Variants in NOD2 observed in about 807,000 individuals in gnomAD.
NOD2 encodes nucleotide-binding oligomerization domain-containing protein 2.
NOD2 carries 86 observed loss-of-function variants against 90.9 expected under a neutral mutation model. That is an observed-to-expected ratio of 0.95 (90% CI 0.79 to 1.13). The LOEUF is 1.13. Among genes scored for constraint, NOD2 ranks in the 50% most tolerant of loss-of-function variants. The pLI, the probability that NOD2 is intolerant of heterozygous loss-of-function variation, is 0.00. For missense variants in NOD2, 1,238 were observed against 1,283.8 expected, an observed-to-expected ratio of 0.96 and a Z score of 0.55; for synonymous variants, 581 against 554.6, an observed-to-expected ratio of 1.05 and a Z score of -0.67.
chr16:50,703,709 G>A (rs1367278631), intron 2 of NOD2, among the ~76,000 whole-genome samples: 2 of 151,552 alleles, frequency 1.3e-5, no homozygotes, highest in African/African-American at 4.8e-5. Context: ...AAAAAGAAAG[G>A]TTACTATTGC....
rs775728252 is a variant in NOD2 at position 50,711,314 on chromosome 16, G to T, written c.1322G>T (p.Arg441Leu). 5.0e-6 allele frequency: 8 copies of T among 1,613,586 alleles called. No homozygotes were observed. The highest frequency in any genetic ancestry group is 6.8e-6 in the Non-Finnish European group (8 of 1,180,032). ...KRHHEPGVAD[R>L]LIRLLQETSA... is the part of the protein sequence containing the mutation. Reference sequence around the variant, plus strand: ...CATCATGAGCCCGGGGTGGCGGACCGCCTCATCCGCCTGCTCCAAGAGACC... The same window carrying T: ...CATCATGAGCCCGGGGTGGCGGACCTCCTCATCCGCCTGCTCCAAGAGACC... The change falls in exon 4 of 12, where the codon CGC (arginine) becomes CTC (leucine). Residue 441 changes from arginine (R) to leucine (L), a missense_variant. By Grantham distance (102) the Arg-to-Leu change is moderately radical. This residue lies in a region of NOD2 where 567 missense variants were observed against 577.3 expected (regional missense o/e 0.98). Coordinates refer to ENST00000647318, the MANE Select transcript of NOD2 (RefSeq NM_001370466.1).
At chr16:50,717,052 G>A in intron 6 of NOD2, 78 bp downstream of exon 6, 1 of 1,259,274 alleles carries the variant, frequency 7.9e-7, no homozygotes. Context: ...GTCTTGGCCT[G>A]GCACTGCCCA....
chr16:50,697,314 C>A, intron 1 of NOD2: 3 of 1,556,300 alleles, frequency 1.9e-6, no homozygotes, highest in Non-Finnish European at 2.6e-6. Context: ...GGACATTCTC[C>A]GGGTAAGAGG....
rs1303352446 is a variant in NOD2, at chr16:50,716,991, C to T, written c.2549+17C>T. 1 of 1,613,284 alleles carries T rather than the reference C, an allele frequency of 6.2e-7. No individual in the cohort carries two copies. Among genetic ancestry groups the T allele is most frequent in the Non-Finnish European group, 8.5e-7 (1 of 1,179,146 alleles). Reference sequence around the variant, plus strand: ...GGCATTGAGGTGAGCCCAGGTTTTCCTTATTCCCTGGAAACTATTTTTTGC... The same window carrying T: ...GGCATTGAGGTGAGCCCAGGTTTTCTTTATTCCCTGGAAACTATTTTTTGC... On this transcript the variant is annotated intron_variant, in intron 6 of 11. Transcript: ENST00000647318.
intron 10 of NOD2, chr16:50,727,520 CTTCGGG>C (rs1052816441): frequency 1.1e-4 from 28 of 244,678 alleles, no homozygotes; most frequent in Non-Finnish European, 1.6e-4. Flanking sequence ...AAAATTCATG[CTTCGGG>C]ATTCAACAAA....
At chr16:50,723,487 G>A in intron 9 of NOD2, 103 bp downstream of exon 9, 1 of 941,060 alleles carries the variant, frequency 1.1e-6, no homozygotes, top group Non-Finnish European at 1.7e-6. Flanking sequence ...AAAGGTGGAT[G>A]ATTGAGTGAT....
Position 50,711,513 on chromosome 16 carries a change from T to C in NOD2, c.1521T>C (p.Gly507=), listed in dbSNP as rs1033444496. ...HATPPDSASQ[G]LGPSLLRGRL... is the part of the protein sequence containing the mutation. ...CCCCCCCAGACTCAGCTTCCCAAGG[T>C]CTGGGACCCAGTCTTCTTCGGGGCC... The change falls in exon 4 of 12, where the codon GGT becomes GGC. Residue 507 remains glycine, a synonymous_variant. Coordinates refer to ENST00000647318, the MANE Select transcript of NOD2 (RefSeq NM_001370466.1). 1.2e-6 allele frequency: 2 copies of C among 1,613,282 alleles called. No homozygotes were observed. The highest frequency in any genetic ancestry group is 3.3e-5 in the Admixed American group (2 of 60,016).
Position 50,711,152 on chromosome 16 carries a change from A to C in NOD2, c.1160A>C (p.Asn387Thr), listed in dbSNP as rs104895429. The change falls in exon 4 of 12, where the codon AAC becomes ACC. Residue 387 changes from asparagine to threonine, a missense_variant. By Grantham distance (65) the Asn-to-Thr change is moderately conservative (BLOSUM62 0). Coordinates refer to ENST00000647318, the MANE Select transcript of NOD2 (RefSeq NM_001370466.1). Reference sequence around the variant, plus strand: ...CTGCTCTTCAACCTTCTGCAGGGCAACCTGCTGAAGAATGCCCGCAAGGTG... The same window carrying C: ...CTGCTCTTCAACCTTCTGCAGGGCACCCTGCTGAAGAATGCCCGCAAGGTG... ...QTLLFNLLQGNLLKNARKVVT... is the reference protein window; with the variant it reads ...QTLLFNLLQGTLLKNARKVVT... The C allele has an allele frequency of 1.2e-6, 2 of 1,614,004 alleles. No homozygotes were observed. Among genetic ancestry groups the C allele is most frequent in the Non-Finnish European group, 1.7e-6 (2 of 1,180,034 alleles).
intron 1 of NOD2, chr16:50,697,175 G>A: frequency 7.6e-7 from 1 of 1,315,058 alleles, no homozygotes. Flanking sequence ...TGTGCCACTG[G>A]GCTTTTGGCG....
chr16:50,705,242 G>T (rs887074391), intron 2 of NOD2, among the ~76,000 whole-genome samples: 2 of 152,128 alleles, frequency 1.3e-5, no homozygotes, highest in Non-Finnish European at 2.9e-5. Context: ...CTTGTTTTAT[G>T]GATGCAACAT....
At position 50,708,002 on chromosome 16, in the gene NOD2, C is replaced by T. The variant is rs753281330; in HGVS notation, c.565+42C>T. 3 of 1,333,180 alleles carry T rather than the reference C, an allele frequency of 2.3e-6. No individual in the cohort carries two copies. In the South Asian group the frequency reaches 3.5e-5, roughly 16 times the overall value. 82.6% of individuals were successfully genotyped at this position (1,333,180 alleles called of 1,614,324 possible). On this transcript the variant is annotated intron_variant, in intron 3 of 11. Transcript: ENST00000647318. Reference sequence around the variant, plus strand: ...AGTTAATCAGAAAGGGAAGGGCAGTCAGTGCAGATCCATGGTTAAGAGCAG... The same window carrying T: ...AGTTAATCAGAAAGGGAAGGGCAGTTAGTGCAGATCCATGGTTAAGAGCAG...
intron 6 of NOD2, among the ~76,000 whole-genome samples, chr16:50,719,202 C>T (rs537723181): frequency 6.6e-6 from 1 of 152,304 alleles, no homozygotes; most frequent in African/African-American, 2.4e-5. Context: ...GGCGAGTTCT[C>T]CTAGCTGCCA....
chr16:50,714,975 G>A (rs2150820655), intron 4 of NOD2, among the ~76,000 whole-genome samples: 1 of 152,258 alleles, frequency 6.6e-6, no homozygotes, highest in African/African-American at 2.4e-5. Context: ...GAGACACTCT[G>A]CTCTCTTCTG....
intron 10 of NOD2, among the ~76,000 whole-genome samples, chr16:50,726,679 G>C (rs1196266693): frequency 6.6e-6 from 1 of 152,274 alleles, no homozygotes; most frequent in East Asian, 1.9e-4. Context: ...TGGATGCCAG[G>C]CAATGAGGCT....
At chr16:50,708,814 G>A (rs1964321603) in intron 3 of NOD2, among the ~76,000 whole-genome samples, 2 of 152,232 alleles carry the variant, frequency 1.3e-5, no homozygotes, top group Non-Finnish European at 2.9e-5. Flanking sequence ...CGGGGTGGCT[G>A]GAAGTCTGTG....
At chr16:50,706,268 TC>T (rs1182228764) in intron 2 of NOD2, among the ~76,000 whole-genome samples, 4 of 152,184 alleles carry the variant, frequency 2.6e-5, no homozygotes, top group Non-Finnish European at 5.9e-5. Flanking sequence ...TCCACGTGGT[TC>T]TAGACAGGTA....
intron 2 of NOD2, among the ~76,000 whole-genome samples, chr16:50,703,665 C>G (rs1263043930): frequency 7.8e-6 from 1 of 128,860 alleles, no homozygotes. Context: ...GCCTGGGTCA[C>G]AGAGCAAGAC....
intron 1 of NOD2, among the ~76,000 whole-genome samples, chr16:50,695,300 C>A (rs908309887): frequency 6.6e-6 from 1 of 152,102 alleles, no homozygotes; most frequent in African/African-American, 2.4e-5. Context: ...GGATATATTT[C>A]AAAGGCCGTG....
In NOD2 at chr16:50,712,329, C is replaced by T. The variant is rs199475916; in HGVS notation, c.2337C>T (p.Gly779=). The change falls in exon 4 of 12, where the codon GGC becomes GGT. Residue 779 remains glycine, a synonymous_variant. Coordinates refer to ENST00000647318, the MANE Select transcript of NOD2 (RefSeq NM_001370466.1). ...ACTACAACTCTGTGGGTGACATTGG[C>T]GTGGAGCAGCTGCTGCCTTGCCTTG... ...QLDYNSVGDI[G]VEQLLPCLGV... 9.3e-6 allele frequency: 15 copies of T among 1,613,968 alleles called. No homozygotes were observed. The highest frequency in any genetic ancestry group is 1.7e-5 in the Admixed American group (1 of 60,028).
Sources: allele counts gnomAD v4.1 joint callset (sites outside exome capture counted in the v4.1 genomes callset), GRCh38; gene constraint gnomAD v4.1.1; regional missense constraint gnomAD v4.1.1; transcripts MANE v1.5; gene names NCBI Gene and HGNC (gene_info 2026-07-23, HGNC 2026-07-21).